ERI1: variants seen among roughly 807,000 people sequenced by gnomAD.
ERI1 encodes exoribonuclease 1, also known as 3'-5' exoribonuclease 1.
In ERI1, 39 loss-of-function variants were observed where a neutral mutation model predicts 39.7. That is an observed-to-expected ratio of 0.98 (90% CI 0.76 to 1.28). The LOEUF (loss-of-function observed/expected upper bound fraction) is 1.28. ERI1 is among the 50% of genes most tolerant of loss of function. ERI1 has a pLI of 0.00. For synonymous variants in ERI1, 204 were observed against 149.6 expected (o/e 1.36, Z -2.65); for missense variants, 581 against 416.9 (o/e 1.39, Z -3.43).
chr8:9,037,270 C>G (rs1223171808), downstream of ERI1, among the ~76,000 whole-genome samples: 1 of 152,202 alleles, frequency 6.6e-6, no homozygotes, highest in Non-Finnish European at 1.5e-5. Context: ...CTCACCATCA[C>G]ACTCGCGTTG....
Position 9,018,175 on chromosome 8 carries a change from T to A in ERI1, c.583-122T>A, listed in dbSNP as rs1318502081. ...AGGTGGAGCTAAGCCAAGGAAACCA[T>A]GAATTTAAAGTATCAGCCTTTCTCA... On this transcript the variant is annotated intron_variant, in intron 4 of 6. Coordinates refer to ENST00000250263, the MANE Select transcript of ERI1 (RefSeq NM_153332.4). 25 of 524,538 alleles carry A rather than the reference T, an allele frequency of 4.8e-5. No individual in the cohort carries two copies. In the South Asian group the frequency reaches 9.0e-4, roughly 19 times the overall value. The allele number at this position is 524,538 out of a possible 1,614,324, so 32.5% of individuals were successfully genotyped here.
rs576990164 is a variant in ERI1 at position 9,084,079 on chromosome 8, C to T, written n.300-32269C>T. ...AAATGCTGGGATTACAGGCGTGAGC[C>T]GCCGTGCCCAGCCTAAAATTTTTTT... On this transcript the variant is annotated intron_variant and non_coding_transcript_variant, in intron 3 of 3. Coordinates refer to the ERI1 transcript ENST00000518663. 4.2e-3 allele frequency among the ~76,000 whole-genome samples: 641 copies of T among 152,252 alleles called. 3 individuals are homozygous for T. Among genetic ancestry groups the T allele is most frequent in the African/African-American group, 9.3e-3 (386 of 41,550 alleles).
intron 1 of ERI1, among the ~76,000 whole-genome samples, chr8:9,006,439 C>G (rs925036524): frequency 2.2e-4 from 33 of 152,234 alleles, no homozygotes; most frequent in African/African-American, 7.7e-4. Context: ...AGGATTTATC[C>G]AAAGAGAAAA....
intron 3 of ERI1, among the ~76,000 whole-genome samples, chr8:9,049,129 A>T (rs1285858534): frequency 6.6e-6 from 1 of 151,868 alleles, no homozygotes; most frequent in Non-Finnish European, 1.5e-5. Flanking sequence ...ACCTGAGGTC[A>T]GGAGTTCTCA....
chr8:9,084,596 C>T (rs1432662377), intron 3 of ERI1, among the ~76,000 whole-genome samples: 1 of 152,136 alleles, frequency 6.6e-6, no homozygotes, highest in African/African-American at 2.4e-5. Flanking sequence ...GACTAGGACT[C>T]GGGCTTGGAG....
At chr8:9,041,494 G>C (rs1214930031) in intron 3 of ERI1, among the ~76,000 whole-genome samples, 3 of 152,148 alleles carry the variant, frequency 2.0e-5, no homozygotes, top group Non-Finnish European at 2.9e-5. Flanking sequence ...CATCTTATCT[G>C]ACTACAACGG....
intron 3 of ERI1, among the ~76,000 whole-genome samples, chr8:9,051,272 G>A (rs907416039): frequency 6.6e-6 from 1 of 152,024 alleles, no homozygotes; most frequent in Non-Finnish European, 1.5e-5. Flanking sequence ...GTTGCTGGTG[G>A]GGACTCTGTG....
intron 3 of ERI1, among the ~76,000 whole-genome samples, chr8:9,039,313 G>T (rs1436493655): frequency 6.6e-6 from 1 of 152,122 alleles, no homozygotes; most frequent in Non-Finnish European, 1.5e-5. Context: ...TGGAGCTACA[G>T]ATTTAGTCAT....
intron 4 of ERI1, among the ~76,000 whole-genome samples, chr8:9,017,530 C>A (rs191271988): frequency 2.0e-3 from 301 of 152,184 alleles, no homozygotes; most frequent in African/African-American, 7.1e-3. Context: ...CCTAATAAGT[C>A]AGTGTTTTAT....
chr8:9,030,061 A>G lies in ERI1; in HGVS notation c.*27A>G, dbSNP rs546583065. The G allele has an allele frequency of 1.9e-6, 3 of 1,608,132 alleles. No homozygotes were observed. The African/African-American group carries it at 4.0e-5, about 21-fold the overall frequency. ...AACAGTTTTGTGTGTGGATCATTCC[A>G]ATTGAAGTTGCTATGAAGAGGTAGC... On this transcript the variant is annotated 3_prime_UTR_variant, in exon 7 of 7. Coordinates refer to ENST00000250263, the MANE Select transcript of ERI1 (RefSeq NM_153332.4).
chr8:9,019,996 T>A (rs538353807), intron 5 of ERI1, among the ~76,000 whole-genome samples: 28 of 152,298 alleles, frequency 1.8e-4, no homozygotes, highest in African/African-American at 5.3e-4. Flanking sequence ...TTTTTTTGTT[T>A]TTGGTTTTAT....
intron 3 of ERI1, among the ~76,000 whole-genome samples, chr8:9,058,913 T>A (rs907978882): frequency 6.6e-6 from 1 of 152,120 alleles, no homozygotes; most frequent in African/African-American, 2.4e-5. Flanking sequence ...CAAACCAACT[T>A]TCATGCGCGT....
intron 3 of ERI1, among the ~76,000 whole-genome samples, chr8:9,073,946 T>C (rs2117433922): frequency 6.6e-6 from 1 of 152,288 alleles, no homozygotes; most frequent in East Asian, 1.9e-4. Flanking sequence ...ATTTTTAAAA[T>C]TTATTTTTTA....
At chr8:9,082,533 G>T (rs1232534916) in intron 3 of ERI1, among the ~76,000 whole-genome samples, 2 of 152,148 alleles carry the variant, frequency 1.3e-5, no homozygotes, top group African/African-American at 2.4e-5. Flanking sequence ...GTCCATATCT[G>T]TGTAAAAGAT....
At chr8:9,013,180 A>G (rs1320310010) in intron 3 of ERI1, among the ~76,000 whole-genome samples, 2 of 151,876 alleles carry the variant, frequency 1.3e-5, no homozygotes, top group Non-Finnish European at 2.9e-5. Flanking sequence ...ACGCCCGGCT[A>G]ATTTTTTGTA....
At chr8:9,084,883 G>A (rs773101960) in intron 3 of ERI1, among the ~76,000 whole-genome samples, 13 of 152,166 alleles carry the variant, frequency 8.5e-5, no homozygotes, top group Non-Finnish European at 1.8e-4. Context: ...TCGCTCAGGA[G>A]AAAAATGTTG....
chr8:9,056,383 G>A (rs1798507499), intron 3 of ERI1, among the ~76,000 whole-genome samples: 1 of 152,222 alleles, frequency 6.6e-6, no homozygotes, highest in Non-Finnish European at 1.5e-5. Flanking sequence ...TGCCCACGTT[G>A]TTAAACTATT....
At chr8:9,081,161 A>G (rs931902885) in intron 3 of ERI1, among the ~76,000 whole-genome samples, 2 of 152,184 alleles carry the variant, frequency 1.3e-5, no homozygotes, top group Non-Finnish European at 1.5e-5. Flanking sequence ...CCCACTTACT[A>G]TCATGAGAAC....
rs978747022 is a variant in ERI1, at chr8:9,085,677, A to G, written n.300-30671A>G. Among the ~76,000 whole-genome samples, 39 of 151,922 alleles carry G rather than the reference A, an allele frequency of 2.6e-4. 1 individual carries two copies. Among genetic ancestry groups the G allele is most frequent in the Non-Finnish European group, 2.9e-5 (2 of 67,986 alleles). ...TTTACTATCTGGCCCTTAACAGAGA[A>G]AGTTCAGGGCCCCTAATTTAGATTC... On this transcript the variant is annotated intron_variant and non_coding_transcript_variant, in intron 3 of 3. Coordinates refer to the ERI1 transcript ENST00000518663.
Sources: gnomAD v4.1 joint callset for allele counts (sites outside exome capture counted in the v4.1 genomes callset) on GRCh38, gnomAD v4.1.1 for gene constraint, MANE v1.5 for transcripts, NCBI Gene and HGNC (gene_info 2026-07-23, HGNC 2026-07-21) for gene names.